RINT1: variants seen among roughly 807,000 people sequenced by gnomAD.
RINT1 encodes RAD50 interactor 1.
A neutral mutation model predicts 97.7 loss-of-function variants in RINT1; 75 were observed. That is an observed-to-expected ratio of 0.77 (90% confidence interval 0.64 to 0.93). The LOEUF is 0.93. Ranked by LOEUF, RINT1 falls within the 40% of genes least tolerant of loss-of-function variation. RINT1 has a pLI of 0.00. For synonymous variants in RINT1, 303 were observed against 326.3 expected (o/e 0.93, Z 0.77); for missense variants, 892 against 925.2 (o/e 0.96, Z 0.47).
chr7:105,555,206 A>C lies in RINT1; in HGVS notation c.1650A>C (p.Leu550=), dbSNP rs138957640. 1.7e-4 allele frequency: 281 copies of C among 1,613,674 alleles called. 1 individual carries two copies. The highest frequency in any genetic ancestry group is 2.2e-4 in the Non-Finnish European group (262 of 1,179,826). ...LNAVNYISTV[L]ADWADNVFFL... ...CTGTGAACTACATCTCAACAGTACT[A>C]GCAGATTGGGCTGACAATGTTGTGA... Residue 550 remains leucine (L), a synonymous_variant, in exon 11 of 15, where the codon CTA becomes CTC. Coordinates refer to ENST00000257700, the MANE Select transcript of RINT1 (RefSeq NM_021930.6).
Position 105,555,402 on chromosome 7 carries a change from GT to G in RINT1, c.1671+177del, listed in dbSNP as rs1272035922. On this transcript the variant is annotated intron_variant, in intron 11 of 14. Transcript: ENST00000257700. ...ATTTTTCTCAATCAAATCTCAAGTA[GT>G]TAAATAGTCCTGATATTTTAATGTA... The G allele has an allele frequency of 6.0e-6, 3 of 504,178 alleles. No homozygotes were observed. The East Asian group carries it at 9.5e-5, about 16-fold the overall frequency. The allele number at this position is 504,178 out of a possible 1,614,324, so 31.2% of individuals were successfully genotyped here.
At chr7:105,558,057 G>C (rs1330201118) in intron 11 of RINT1, among the ~76,000 whole-genome samples, 2 of 152,152 alleles carry the variant, frequency 1.3e-5, no homozygotes, top group African/African-American at 4.8e-5. Flanking sequence ...GCTCATGCCT[G>C]TAATCCCAAC....
rs1396147544 is a variant in RINT1, at chr7:105,550,251, A to AT, written c.1108-3dup. 1.2e-6 allele frequency: 2 copies of AT among 1,613,094 alleles called. No individual in the cohort carries two copies. The highest frequency in any genetic ancestry group is 2.2e-5 in the East Asian group (1 of 44,856). On this transcript the variant is annotated splice_polypyrimidine_tract_variant and intron_variant, in intron 8 of 14. Coordinates refer to ENST00000257700, the MANE Select transcript of RINT1 (RefSeq NM_021930.6). ...TTATTTACATACCTCATGTTTGTGTATTTTTTTAGCTTGAATTTTCTCGGG... is the reference window on the plus strand; with the variant it reads ...TTATTTACATACCTCATGTTTGTGTATTTTTTTTAGCTTGAATTTTCTCGGG...
intron 2 of RINT1, among the ~76,000 whole-genome samples, chr7:105,533,527 G>A (rs10273718): frequency 0.2 from 29,717 of 152,138 alleles, 3,187 homozygotes; most frequent in East Asian, 0.38. Context: ...GGAAAAGCAT[G>A]TGATAGCTCT....
At chr7:105,535,373 G>C (rs1280049535) in intron 2 of RINT1, among the ~76,000 whole-genome samples, 1 of 151,630 alleles carries the variant, frequency 6.6e-6, no homozygotes, top group Non-Finnish European at 1.5e-5. Context: ...GGGACTATAA[G>C]CGTGCACCGC....
rs1791658364 is a variant in RINT1, at chr7:105,565,296, C to T, written c.1906C>T (p.Gln636Ter). 2 of 1,598,732 alleles carry T rather than the reference C, an allele frequency of 1.3e-6. No homozygotes were observed. The highest frequency in any genetic ancestry group is 1.7e-6 in the Non-Finnish European group (2 of 1,170,106). Residue 636 changes from glutamine (Q) to a stop codon, truncating the protein, a stop_gained, in exon 13 of 15, where the codon CAG (glutamine) becomes TAG (stop). Transcript: ENST00000257700. LOFTEE classifies it high-confidence loss of function. ...TTCCAGATGGTTGTCCTTGCCATCT[C>T]AGTCAGAGCAGGCAGTGATGTCCCT... ...KKERWLSLPS[Q>*]SEQAVMSLSS...
chr7:105,535,587 C>T (rs1339761707), intron 2 of RINT1: 5 of 454,592 alleles, frequency 1.1e-5, no homozygotes, highest in South Asian at 6.2e-5. Context: ...AGGTCTTGCT[C>T]TGCTGTCCAG....
intron 11 of RINT1, 74 bp from the exon 12 acceptor site, chr7:105,563,659 G>A: frequency 8.0e-7 from 1 of 1,242,658 alleles, no homozygotes; most frequent in Non-Finnish European, 1.2e-6. Context: ...TGGGTGAATT[G>A]TATGACATAT....
In RINT1 at chr7:105,532,874, G is replaced by A; in HGVS notation, c.88+5G>A. ...GGAAGAACCTCGAGGAGAAAAGTAA[G>A]CCAGCTCCAAACACCTTAGCTTTTT... is the stretch of plus-strand genomic sequence containing the variant. On this transcript the variant is annotated splice_donor_5th_base_variant and intron_variant, in intron 2 of 14. Coordinates refer to ENST00000257700, the MANE Select transcript of RINT1 (RefSeq NM_021930.6). The A allele has an allele frequency of 1.2e-6, 2 of 1,614,050 alleles. No individual in the cohort carries two copies. Among genetic ancestry groups the A allele is most frequent in the Non-Finnish European group, 1.7e-6 (2 of 1,179,906 alleles).
At chr7:105,550,534 G>A in intron 9 of RINT1, 48 bp downstream of exon 9, 1 of 1,346,358 alleles carries the variant, frequency 7.4e-7, no homozygotes, top group Non-Finnish European at 1.1e-6. Context: ...CTGTTTCTGT[G>A]GGTATACATT....
chr7:105,553,269 A>G (rs1475735019), intron 10 of RINT1, among the ~76,000 whole-genome samples: 1 of 151,810 alleles, frequency 6.6e-6, no homozygotes, highest in Admixed American at 6.6e-5. Flanking sequence ...CTTGTCACCC[A>G]GGCTGGAGTG....
chr7:105,534,218 C>T (rs772318581), intron 2 of RINT1, among the ~76,000 whole-genome samples: 1 of 152,030 alleles, frequency 6.6e-6, no homozygotes, highest in Non-Finnish European at 1.5e-5. Context: ...TACTGGTGCC[C>T]GCCAAACACC....
At chr7:105,566,613 C>T (rs1022257905) in intron 14 of RINT1, 2 of 151,562 alleles carry the variant, frequency 1.3e-5, no homozygotes, top group African/African-American at 4.9e-5. Flanking sequence ...TCACTCCAGC[C>T]TAGGTGACAG....
intron 3 of RINT1, among the ~76,000 whole-genome samples, chr7:105,538,693 T>G (rs1477986531): frequency 1.3e-5 from 2 of 152,190 alleles, no homozygotes; most frequent in South Asian, 2.1e-4. Flanking sequence ...CCTTTCCTTT[T>G]CCCTAGCAGA....
chr7:105,551,779 C>A, intron 10 of RINT1, 72 bp downstream of exon 10: 1 of 1,333,536 alleles, frequency 7.5e-7, no homozygotes, highest in Non-Finnish European at 1.0e-6. Context: ...TAAAGTAGCT[C>A]AGTAGGCTGG....
At chr7:105,540,060 A>G (rs1367036935) in intron 3 of RINT1, among the ~76,000 whole-genome samples, 2 of 150,046 alleles carry the variant, frequency 1.3e-5, no homozygotes, top group South Asian at 2.1e-4. Context: ...AGAAAAATTC[A>G]CTTAATAAAT....
intron 10 of RINT1, among the ~76,000 whole-genome samples, chr7:105,553,617 T>C (rs1295569775): frequency 1.4e-5 from 2 of 147,070 alleles, no homozygotes; most frequent in African/African-American, 2.5e-5. Flanking sequence ...GGTTTCATAT[T>C]GCCCAGACTG....
rs777493133 is a variant in RINT1, at chr7:105,565,552, A to G, written c.2090A>G (p.Asn697Ser). The change falls in exon 14 of 15, where the codon AAT becomes AGT. Residue 697 changes from asparagine to serine, a missense_variant. Asn to Ser is a conservative substitution (Grantham distance 46, BLOSUM62 1). Transcript: ENST00000257700. The stretch of plus-strand genomic sequence containing the variant: ...CAGATAATTCTTGCTAATCACTTCA[A>G]TGAAGGAGGAGCAGCCCAGCTGCAG... Reference protein sequence around the residue: ...YQEIILANHFNEGGAAQLQFD... With the variant: ...YQEIILANHFSEGGAAQLQFD... 4.3e-6 allele frequency: 7 copies of G among 1,613,906 alleles called. No homozygotes were observed. The highest frequency in any genetic ancestry group is 1.7e-5 in the Admixed American group (1 of 59,976).
chr7:105,542,060 A>T (rs1047339018), intron 3 of RINT1, among the ~76,000 whole-genome samples: 2 of 151,996 alleles, frequency 1.3e-5, no homozygotes, highest in African/African-American at 4.8e-5. Flanking sequence ...GAAGGTTTTG[A>T]TGGATGATTT....
Sources: allele counts gnomAD v4.1 joint callset (sites outside exome capture counted in the v4.1 genomes callset), GRCh38; gene constraint gnomAD v4.1.1; transcripts MANE v1.5; gene names NCBI Gene and HGNC (gene_info 2026-07-23, HGNC 2026-07-21).